The following NCS1 variants were observed in gnomAD, a reference collection of about 807,000 sequenced individuals.
NCS1 encodes the protein frequenin homolog.
Under a neutral mutation model 28.4 loss-of-function variants are expected in NCS1, and 6 were observed. That is an observed-to-expected ratio of 0.21 (90% CI 0.12 to 0.42). The LOEUF (loss-of-function observed/expected upper bound fraction) is 0.42. NCS1 is among the 10% of genes least tolerant of loss of function. The pLI is 1.00. For synonymous variants in NCS1, 86 were observed against 99.3 expected (o/e 0.87, Z 0.79); for missense variants, 131 against 241.4 (o/e 0.54, Z 3.03).
intron 4 of NCS1, among the ~76,000 whole-genome samples, chr9:130,222,316 GC>G (rs1431824054): frequency 6.6e-6 from 1 of 151,510 alleles, no homozygotes; most frequent in Non-Finnish European, 1.5e-5. Flanking sequence ...ACCAGGCCTG[GC>G]TAATTTTTGT....
chr9:130,222,932 T>A, intron 5 of NCS1, 150 bp from the exon 6 acceptor site: 1 of 733,874 alleles, frequency 1.4e-6, no homozygotes, highest in Non-Finnish European at 2.3e-6. Flanking sequence ...GGGTGTGGGA[T>A]GTTCCAGGGC....
At chr9:130,207,669 A>C (rs1833045869) in intron 2 of NCS1, among the ~76,000 whole-genome samples, 1 of 152,224 alleles carries the variant, frequency 6.6e-6, no homozygotes, top group East Asian at 1.9e-4. Context: ...CTCGGGCTCC[A>C]GTGCCGGTCA....
chr9:130,217,072 G>C (rs1833201788), intron 2 of NCS1, among the ~76,000 whole-genome samples: 1 of 152,220 alleles, frequency 6.6e-6, no homozygotes, highest in African/African-American at 2.4e-5. Context: ...ATACCAACAA[G>C]AGGGGTATGA....
rs149657402 is a variant in NCS1 at position 130,232,808 on chromosome 9, A to AC, written c.*18-180dup. Reference sequence around the variant, plus strand: ...CTCAAAAAAAAGCAAACAAAAAAAAACCAAAAAACCCAAAGGGTGCCTCAG... The same window carrying AC: ...CTCAAAAAAAAGCAAACAAAAAAAAACCCAAAAAACCCAAAGGGTGCCTCAG... On this transcript the variant is annotated intron_variant, in intron 7 of 7. Transcript: ENST00000372398. The surrounding 1 kb of genome is among the most constrained non-coding windows in gnomAD (Gnocchi z 4.4). 0.12 allele frequency among the ~76,000 whole-genome samples: 18,642 copies of AC among 151,948 alleles called. 1,242 individuals carry two copies. Among genetic ancestry groups the AC allele is most frequent in the Admixed American group, 0.18 (2,745 of 15,248 alleles).
intron 2 of NCS1, among the ~76,000 whole-genome samples, chr9:130,213,133 C>T (rs1423487147): frequency 6.6e-6 from 1 of 152,148 alleles, no homozygotes; most frequent in African/African-American, 2.4e-5. Context: ...GCAGGTGAGG[C>T]GGGGAGCCTG....
At chr9:130,178,998 G>C (rs1417022496) in intron 1 of NCS1, among the ~76,000 whole-genome samples, 2 of 144,422 alleles carry the variant, frequency 1.4e-5, no homozygotes, top group East Asian at 2.1e-4. Flanking sequence ...ACGGTGGCAC[G>C]ATCTTGGCTT....
At chr9:130,208,953 C>T (rs782152192) in intron 2 of NCS1, among the ~76,000 whole-genome samples, 5 of 152,058 alleles carry the variant, frequency 3.3e-5, no homozygotes, top group Non-Finnish European at 5.9e-5. Context: ...TCAGACCCGC[C>T]GGCTTCTTGC....
rs1036029818 is a variant in NCS1 at position 130,236,772 on chromosome 9, G to C, written c.*3800G>C. The C allele has an allele frequency of 1.3e-5, 2 of 152,232 alleles. No homozygotes were observed. The highest frequency in any genetic ancestry group is 4.2e-4 in the South Asian group (2 of 4,796). 9.4% of individuals were successfully genotyped at this position (152,232 alleles called of 1,614,324 possible). ...TCCTGCAGTGGCTCCCGGCCCCAGG[G>C]AGGCCCACCTCACTCCCAGCCTGAC... On this transcript the variant is annotated 3_prime_UTR_variant, in exon 8 of 8. Transcript: ENST00000372398.
At chr9:130,201,839 C>A (rs11793619) in intron 2 of NCS1, among the ~76,000 whole-genome samples, 1 of 152,130 alleles carries the variant, frequency 6.6e-6, no homozygotes, top group Non-Finnish European at 1.5e-5. Context: ...GAGTTTCCGC[C>A]CTCACTTTCC....
At chr9:130,230,098 C>T (rs1833479055) in intron 7 of NCS1, among the ~76,000 whole-genome samples, 1 of 152,178 alleles carries the variant, frequency 6.6e-6, no homozygotes, top group South Asian at 2.1e-4. Flanking sequence ...TGCCAGTAAC[C>T]CCAGCACTTT....
At chr9:130,199,612 G>A (rs960704624) in intron 1 of NCS1, among the ~76,000 whole-genome samples, 2 of 152,192 alleles carry the variant, frequency 1.3e-5, no homozygotes, top group Admixed American at 6.5e-5. Flanking sequence ...TTGGAGCTGG[G>A]GCAGAGTTGT....
chr9:130,210,012 T>C (rs1180228321), intron 2 of NCS1, among the ~76,000 whole-genome samples: 1 of 152,094 alleles, frequency 6.6e-6, no homozygotes, highest in Non-Finnish European at 1.5e-5. Flanking sequence ...AGGTGTGGCC[T>C]CTGTATAAAC....
chr9:130,203,052 G>A (rs1832975907), intron 2 of NCS1, among the ~76,000 whole-genome samples: 2 of 145,456 alleles, frequency 1.4e-5, no homozygotes, highest in South Asian at 4.5e-4. Flanking sequence ...AAATATGTGT[G>A]TGTGTGTGTG....
intron 2 of NCS1, among the ~76,000 whole-genome samples, chr9:130,202,310 C>T (rs1316388484): frequency 5.9e-5 from 9 of 152,114 alleles, no homozygotes; most frequent in Admixed American, 2.0e-4. Flanking sequence ...GCCCAGGCTG[C>T]TCCCTCTGCC....
chr9:130,197,425 GAC>G (rs1392429726), intron 1 of NCS1, among the ~76,000 whole-genome samples: 1 of 152,220 alleles, frequency 6.6e-6, no homozygotes, highest in Non-Finnish European at 1.5e-5. Context: ...TGGGAACCCA[GAC>G]ACAATGGTTG....
intron 2 of NCS1, among the ~76,000 whole-genome samples, chr9:130,204,763 C>G (rs1258249811): frequency 6.6e-6 from 1 of 152,184 alleles, no homozygotes; most frequent in Non-Finnish European, 1.5e-5. Context: ...GGAACAGAGT[C>G]TAGGAAACAT....
In NCS1 at chr9:130,192,821, C is replaced by T. The variant is rs556482324; in HGVS notation, c.65-8137C>T. On this transcript the variant is annotated intron_variant, in intron 1 of 7. Coordinates refer to ENST00000372398, the MANE Select transcript of NCS1 (RefSeq NM_014286.4). This position sits in a 1 kb window ranked among gnomAD's most constrained non-coding sequence, Gnocchi z 4.8. ...CAGCAGGTGGCTGCTTCCCAGCCCT[C>T]GAGTGTAGCAGGACCCCAGTGGGAA... is the stretch of plus-strand genomic sequence containing the variant. 2.0e-5 allele frequency among the ~76,000 whole-genome samples: 3 copies of T among 152,238 alleles called. No individual in the cohort carries two copies. Among genetic ancestry groups the T allele is most frequent in the African/African-American group, 7.2e-5 (3 of 41,534 alleles).
At chr9:130,207,423 CT>C (rs1833040283) in intron 2 of NCS1, among the ~76,000 whole-genome samples, 1 of 152,232 alleles carries the variant, frequency 6.6e-6, no homozygotes, top group South Asian at 2.1e-4. Context: ...GCCTCTGCCC[CT>C]GCTGTTCCTT....
intron 1 of NCS1, among the ~76,000 whole-genome samples, chr9:130,184,872 C>T (rs1554905476): frequency 1.3e-5 from 2 of 151,892 alleles, no homozygotes; most frequent in South Asian, 2.1e-4. Flanking sequence ...GACCTTGATC[C>T]GCCTGTCTCA....
Sources: allele counts gnomAD v4.1 joint callset (sites outside exome capture counted in the v4.1 genomes callset), GRCh38; gene constraint gnomAD v4.1.1; non-coding constraint Gnocchi (gnomAD v3.1); transcripts MANE v1.5; gene names NCBI Gene and HGNC (gene_info 2026-07-23, HGNC 2026-07-21).